The following COMMD1 variants were observed in gnomAD, a reference collection of about 807,000 sequenced individuals.
COMMD1 encodes the protein copper metabolism domain containing 1, also known as COMM domain-containing protein 1.
A neutral mutation model predicts 17.2 loss-of-function variants in COMMD1; 10 were observed. The observed-to-expected ratio is 0.58, with a 90% CI of 0.36 to 0.99. The LOEUF is 0.99. COMMD1 is among the 50% of genes least tolerant of loss of function. The pLI is 0.01. For missense variants in COMMD1, 270 were observed against 231.8 expected (o/e 1.17, Z -1.07); for synonymous variants, 97 against 91.6 (o/e 1.06, Z -0.34).
intron 2 of COMMD1, among the ~76,000 whole-genome samples, chr2:62,055,756 A>G (rs950650487): frequency 4.6e-5 from 7 of 152,240 alleles, no homozygotes; most frequent in African/African-American, 1.7e-4. Flanking sequence ...TTGAACCTTC[A>G]GGAGAGGACA....
chr2:61,899,950 G>C (rs1669624669), intron 1 of COMMD1, among the ~76,000 whole-genome samples: 1 of 152,200 alleles, frequency 6.6e-6, no homozygotes, highest in Non-Finnish European at 1.5e-5. Flanking sequence ...GGGATCACAG[G>C]TGTGAGCCAC....
chr2:62,056,647 A>C (rs1670710162), intron 2 of COMMD1, among the ~76,000 whole-genome samples: 1 of 152,212 alleles, frequency 6.6e-6, no homozygotes, highest in Admixed American at 6.5e-5. Flanking sequence ...AGAGATTTTG[A>C]GAGGGATTGA....
chr2:62,009,253 C>T (rs976079193), intron 2 of COMMD1, among the ~76,000 whole-genome samples: 4 of 151,992 alleles, frequency 2.6e-5, no homozygotes, highest in Non-Finnish European at 5.9e-5. Flanking sequence ...CTTCAACTTA[C>T]AGTTGAATTT....
At chr2:61,960,750 C>A (rs553880170) in intron 1 of COMMD1, among the ~76,000 whole-genome samples, 1 of 152,214 alleles carries the variant, frequency 6.6e-6, no homozygotes, top group Non-Finnish European at 1.5e-5. Flanking sequence ...CTTTCCCCCT[C>A]GGGAGGTAAC....
At chr2:62,094,119 ATTAG>A (rs1485592079) in intron 2 of COMMD1, among the ~76,000 whole-genome samples, 1 of 152,208 alleles carries the variant, frequency 6.6e-6, no homozygotes, top group Admixed American at 6.5e-5. Context: ...AGAGTAAGAT[ATTAG>A]TTAGTAGATT....
At chr2:62,042,915 A>G (rs1188139493) in intron 2 of COMMD1, among the ~76,000 whole-genome samples, 3 of 152,264 alleles carry the variant, frequency 2.0e-5, no homozygotes, top group Non-Finnish European at 4.4e-5. Flanking sequence ...TTTACAAGAA[A>G]TTGAAATAAC....
In COMMD1 at chr2:62,136,055, A is replaced by C; in HGVS notation, c.*114A>C. 1 of 706,532 alleles carries C rather than the reference A, an allele frequency of 1.4e-6. No homozygotes were observed. Among genetic ancestry groups the C allele is most frequent in the South Asian group, 1.5e-5 (1 of 68,256 alleles). The allele number at this position is 706,532 out of a possible 1,614,324, so 43.8% of individuals were successfully genotyped here. A position where few individuals can be genotyped will look rare whatever the true frequency, so the allele number is the denominator to read the frequency against. On this transcript the variant is annotated 3_prime_UTR_variant, in exon 3 of 3. Transcript: ENST00000311832. ...GCATTGGTATTAAATCCTCGCATTC[A>C]GTCTTCCTGCCTCTACTTGCTCAGA...
At chr2:61,908,505 G>A (rs766808962) in intron 1 of COMMD1, among the ~76,000 whole-genome samples, 6 of 151,936 alleles carry the variant, frequency 3.9e-5, no homozygotes, top group South Asian at 2.1e-4. Flanking sequence ...GATTACAGGC[G>A]TGAGCCACTG....
intron 2 of COMMD1, among the ~76,000 whole-genome samples, chr2:62,125,171 TAGG>T (rs1380650730): frequency 1.3e-5 from 2 of 152,274 alleles, no homozygotes; most frequent in African/African-American, 4.8e-5. Flanking sequence ...AGTCCTTTTC[TAGG>T]AGATTGTGAG....
At chr2:61,939,638 A>G (rs979122667) in intron 1 of COMMD1, among the ~76,000 whole-genome samples, 5 of 152,244 alleles carry the variant, frequency 3.3e-5, no homozygotes, top group African/African-American at 1.2e-4. Flanking sequence ...GCAAATAACT[A>G]TATTGTCATA....
intron 1 of COMMD1, among the ~76,000 whole-genome samples, chr2:61,966,835 A>G (rs1671517215): frequency 6.6e-6 from 1 of 151,974 alleles, no homozygotes; most frequent in Non-Finnish European, 1.5e-5. Context: ...CTGTGTAATT[A>G]GTCCTGTTTT....
intron 2 of COMMD1, among the ~76,000 whole-genome samples, chr2:62,098,338 A>G (rs1672074573): frequency 6.6e-6 from 1 of 151,706 alleles, no homozygotes; most frequent in Non-Finnish European, 1.5e-5. Flanking sequence ...TTTTATTTTT[A>G]GTAGAGACAG....
intron 2 of COMMD1, among the ~76,000 whole-genome samples, chr2:62,105,758 G>A (rs1286227272): frequency 6.6e-6 from 1 of 152,208 alleles, no homozygotes; most frequent in African/African-American, 2.4e-5. Context: ...GGGAGGCAGA[G>A]GTTGCATTGA....
intron 2 of COMMD1, among the ~76,000 whole-genome samples, chr2:62,059,564 C>T (rs896898431): frequency 8.6e-5 from 13 of 152,014 alleles, no homozygotes; most frequent in South Asian, 4.2e-4. Context: ...TTAAACATTA[C>T]GCCATAAGAA....
chr2:61,977,214 T>G (rs939569817), intron 1 of COMMD1, among the ~76,000 whole-genome samples: 2 of 148,830 alleles, frequency 1.3e-5, no homozygotes, highest in Non-Finnish European at 3.0e-5. Flanking sequence ...GTTATGAATC[T>G]AAAACTGCTG....
At chr2:61,984,950 A>T (rs958034772) in intron 1 of COMMD1, among the ~76,000 whole-genome samples, 4 of 146,734 alleles carry the variant, frequency 2.7e-5, no homozygotes, top group African/African-American at 1.0e-4. Flanking sequence ...AATCCATTTT[A>T]TCTGATATAA....
At chr2:61,925,450 A>G (rs1390649181) in intron 1 of COMMD1, among the ~76,000 whole-genome samples, 1 of 151,956 alleles carries the variant, frequency 6.6e-6, no homozygotes, top group Admixed American at 6.6e-5. Flanking sequence ...TTTGCTGGTT[A>G]ATTTTGCCAC....
intron 2 of COMMD1, among the ~76,000 whole-genome samples, chr2:62,123,085 G>A (rs1347883114): frequency 6.6e-6 from 1 of 152,230 alleles, no homozygotes; most frequent in African/African-American, 2.4e-5. Flanking sequence ...GAAGCCAGGT[G>A]TGTTGGCATG....
At chr2:61,955,766 A>G (rs1373281107) in intron 1 of COMMD1, among the ~76,000 whole-genome samples, 1 of 151,866 alleles carries the variant, frequency 6.6e-6, no homozygotes, top group Non-Finnish European at 1.5e-5. Flanking sequence ...GCTCACTGCA[A>G]CCTCCGCCTC....
Sources: gnomAD v4.1 joint callset for allele counts (sites outside exome capture counted in the v4.1 genomes callset) on GRCh38, gnomAD v4.1.1 for gene constraint, MANE v1.5 for transcripts, NCBI Gene and HGNC (gene_info 2026-07-23, HGNC 2026-07-21) for gene names.